ASPH: variants seen among roughly 807,000 people sequenced by gnomAD.
ASPH encodes aspartate beta-hydroxylase.
In ASPH, 100 loss-of-function variants were observed where a neutral mutation model predicts 118.4. The observed-to-expected ratio is 0.84, with a 90% CI of 0.72 to 1.00. The LOEUF (loss-of-function observed/expected upper bound fraction) is 1.00, where lower values mean the gene tolerates loss of function less well. ASPH is among the 50% of genes least tolerant of loss of function. ASPH has a pLI of 0.00. For missense variants in ASPH, 920 were observed against 919.5 expected, an observed-to-expected ratio of 1.00 and a Z score of -0.01; for synonymous variants, 315 against 325.6, an observed-to-expected ratio of 0.97 and a Z score of 0.35.
intron 1 of ASPH, among the ~76,000 whole-genome samples, chr8:61,703,287 C>T (rs1835714823): frequency 6.6e-6 from 1 of 151,966 alleles, no homozygotes; most frequent in African/African-American, 2.4e-5. Context: ...TACTGGAAAT[C>T]CTAATTAGTG....
chr8:61,679,098 A>G (rs1285723060), intron 3 of ASPH, among the ~76,000 whole-genome samples: 3 of 152,208 alleles, frequency 2.0e-5, no homozygotes, highest in Admixed American at 1.3e-4. Flanking sequence ...ATGCTATGAA[A>G]TAAGATTAGA....
At chr8:61,513,545 A>G (rs1809685803) in intron 24 of ASPH, among the ~76,000 whole-genome samples, 1 of 152,226 alleles carries the variant, frequency 6.6e-6, no homozygotes, top group South Asian at 2.1e-4. Context: ...GTGAGGCAGA[A>G]GGACCCCTGT....
chr8:61,559,453 TTCTC>T (rs1241222237), intron 18 of ASPH, among the ~76,000 whole-genome samples: 2 of 152,074 alleles, frequency 1.3e-5, no homozygotes, highest in African/African-American at 2.4e-5. Context: ...GTCTCTCTCT[TTCTC>T]TCTCTCTATA....
chr8:61,524,736 T>C (rs1814591609), intron 22 of ASPH, among the ~76,000 whole-genome samples: 1 of 150,828 alleles, frequency 6.6e-6, no homozygotes, highest in Admixed American at 6.7e-5. Context: ...ACTTTGCATA[T>C]TAATTTTATC....
chr8:61,651,140 A>C lies in ASPH; in HGVS notation c.416-16T>G, dbSNP rs1463078405. 6.2e-7 allele frequency: 1 copy of C among 1,608,104 alleles called. No individual in the cohort carries two copies. Among genetic ancestry groups the C allele is most frequent in the Admixed American group, 1.7e-5 (1 of 59,950 alleles). The stretch of plus-strand genomic sequence containing the variant: ...TTCTGGGGTTCTAAAATAATTGCAA[A>C]ACATAGCTAAGTAGAAAAGCTCAAA... On this transcript the variant is annotated splice_polypyrimidine_tract_variant and intron_variant, in intron 4 of 24. Transcript: ENST00000379454.
chr8:61,525,194 A>G (rs1762479618), intron 22 of ASPH, among the ~76,000 whole-genome samples: 1 of 152,208 alleles, frequency 6.6e-6, no homozygotes, highest in Admixed American at 6.5e-5. Context: ...CTGTAGCTGA[A>G]GATATGCAGC....
At chr8:61,651,014 A>G (rs772813086) in intron 5 of ASPH, 36 bp downstream of exon 5, 3 of 1,558,798 alleles carry the variant, frequency 1.9e-6, no homozygotes, top group African/African-American at 2.7e-5. Context: ...GCGTTATTTT[A>G]GTAACTCAAA....
chr8:61,604,856 C>T (rs1476649011), intron 14 of ASPH, among the ~76,000 whole-genome samples: 1 of 152,230 alleles, frequency 6.6e-6, no homozygotes, highest in Non-Finnish European at 1.5e-5. Flanking sequence ...GAAGCAGGAA[C>T]TTGCTTCTTT....
At position 61,714,425 on chromosome 8, in the gene ASPH, G is replaced by A. The variant is rs996162407; in HGVS notation, c.-54C>T. The A allele has an allele frequency of 1.4e-6, 2 of 1,380,536 alleles. No individual in the cohort carries two copies. The highest frequency in any genetic ancestry group is 1.9e-6 in the Non-Finnish European group (2 of 1,064,884). The allele number at this position is 1,380,536 out of a possible 1,614,324, so 85.5% of individuals were successfully genotyped here. A position where few individuals can be genotyped will look rare whatever the true frequency, so the allele number is the denominator to read the frequency against. On this transcript the variant is annotated 5_prime_UTR_variant, in exon 1 of 25. Coordinates refer to ENST00000379454, the MANE Select transcript of ASPH (RefSeq NM_004318.4). ...TGGCGGACCTCCTTCAGTGCGCGGG[G>A]GTACACACGCGACGCGGGAACCGCT...
Position 61,637,854 on chromosome 8 carries a change from T to C in ASPH, c.889+93A>G, listed in dbSNP as rs529159861. ...GTACTCCTAGCTCCTATGCACTGTA[T>C]AGACAGCAAGTAGGAAATGTTCGAT... On this transcript the variant is annotated intron_variant, in intron 12 of 24. Transcript: ENST00000379454. 9.8e-5 allele frequency: 125 copies of C among 1,269,510 alleles called. 4 individuals carry two copies. In the South Asian group the frequency reaches 1.5e-3, roughly 15 times the overall value. 78.6% of individuals were successfully genotyped at this position (1,269,510 alleles called of 1,614,324 possible).
chr8:61,645,703 T>C (rs544529534), intron 6 of ASPH, among the ~76,000 whole-genome samples: 1 of 152,362 alleles, frequency 6.6e-6, no homozygotes, highest in South Asian at 2.1e-4. Flanking sequence ...ACAATTCTTT[T>C]GAAAACCAAA....
At chr8:61,709,478 C>T (rs1837547847) in intron 1 of ASPH, among the ~76,000 whole-genome samples, 1 of 152,170 alleles carries the variant, frequency 6.6e-6, no homozygotes, top group African/African-American at 2.4e-5. Context: ...TCATCACACC[C>T]ACATGTGCAG....
intron 2 of ASPH, 178 bp downstream of exon 2, chr8:61,683,861 C>T (rs1829335260): frequency 4.4e-6 from 3 of 686,294 alleles, no homozygotes; most frequent in African/African-American, 1.8e-5. Flanking sequence ...TTAAAGAGTT[C>T]AAAAGACAAT....
intron 17 of ASPH, among the ~76,000 whole-genome samples, chr8:61,566,141 T>C (rs1457005232): frequency 2.6e-5 from 4 of 152,222 alleles, no homozygotes; most frequent in Non-Finnish European, 5.9e-5. Flanking sequence ...AGGAGTAATT[T>C]AGACTTTTAA....
Position 61,503,422 on chromosome 8 carries a change from G to A in ASPH, c.2214C>T (p.Phe738=). 14 of 1,613,194 alleles carry A rather than the reference G, an allele frequency of 8.7e-6. No homozygotes were observed. The highest frequency in any genetic ancestry group is 1.1e-5 in the Non-Finnish European group (13 of 1,179,696). Residue 738 remains phenylalanine, a synonymous_variant, in exon 25 of 25, where the codon TTC becomes TTT. Transcript: ENST00000379454. ...WQDASSFRLI[F]IVDVWHPELT... is the part of the protein sequence containing the mutation. ...GTTCCGGATGCCACACATCCACGAT[G>A]AATATCAGCCGGAAAGATGAGGCAT...
chr8:61,663,339 CACCAGGCCTA>C, intron 3 of ASPH: 1 of 985,380 alleles, frequency 1.0e-6, no homozygotes, highest in Non-Finnish European at 1.2e-6. Flanking sequence ...CCCAGATGTT[CACCAGGCCTA>C]ACCAGGCCAA....
intron 21 of ASPH, among the ~76,000 whole-genome samples, chr8:61,526,882 G>A (rs1271835119): frequency 6.6e-6 from 1 of 152,146 alleles, no homozygotes; most frequent in African/African-American, 2.4e-5. Context: ...GAAGGCAAAG[G>A]TGAGGATCTG....
At chr8:61,663,401 A>G (rs1817917039) in intron 3 of ASPH, 3 of 985,326 alleles carry the variant, frequency 3.0e-6, no homozygotes, top group Non-Finnish European at 3.6e-6. Flanking sequence ...TGGGATTGGT[A>G]AACTAGAGAC....
Position 61,633,689 on chromosome 8 carries a change from G to A in ASPH, c.928C>T (p.Pro310Ser). 1 of 1,597,970 alleles carries A rather than the reference G, an allele frequency of 6.3e-7. No homozygotes were observed. Among genetic ancestry groups the A allele is most frequent in the Non-Finnish European group, 8.5e-7 (1 of 1,172,192 alleles). The part of the protein sequence containing the change: ...IFPVEEQQEV[P>S]PETNRKTDDP... ...AACATACAAAATGTCATACCTGGTG[G>A]TACTTCCTGCTGTTCTTCCACAGGA... The change falls in exon 13 of 25, where the codon CCA becomes TCA. Residue 310 changes from proline (P) to serine (S), a missense_variant. By Grantham distance (74) the Pro-to-Ser change is moderately conservative. Transcript: ENST00000379454.
Sources: gnomAD v4.1 joint callset for allele counts (sites outside exome capture counted in the v4.1 genomes callset) on GRCh38, gnomAD v4.1.1 for gene constraint, MANE v1.5 for transcripts, NCBI Gene and HGNC (gene_info 2026-07-23, HGNC 2026-07-21) for gene names.